The following PRKN variants were observed in gnomAD, a reference collection of about 807,000 sequenced individuals.
PRKN encodes parkin RBR E3 ubiquitin protein ligase, also known as E3 ubiquitin-protein ligase parkin.
In PRKN, 56 loss-of-function variants were observed where a neutral mutation model predicts 59.5. The ratio of observed to expected loss-of-function variants is 0.94; its 90% CI spans 0.76 to 1.18. The LOEUF (loss-of-function observed/expected upper bound fraction) is 1.18, where lower values mean the gene tolerates loss of function less well. Among genes scored for constraint, PRKN ranks in the 50% most tolerant of loss-of-function variants. The pLI, the probability that PRKN is intolerant of heterozygous loss-of-function variation, is 0.00. For missense variants in PRKN, 657 were observed against 596.4 expected (o/e 1.10, Z -1.06); for synonymous variants, 250 against 222.1 (o/e 1.13, Z -1.12).
chr6:162,590,236 T>C (rs1035361564), intron 1 of PRKN, among the ~76,000 whole-genome samples: 10 of 152,210 alleles, frequency 6.6e-5, no homozygotes, highest in African/African-American at 2.4e-4. Context: ...GACTTTTCAT[T>C]GTTCATGTCT....
At chr6:162,255,751 C>T (rs910703258) in intron 3 of PRKN, among the ~76,000 whole-genome samples, 8 of 152,148 alleles carry the variant, frequency 5.3e-5, no homozygotes, top group Non-Finnish European at 1.0e-4. Flanking sequence ...ACCATGAATG[C>T]GCTCAAGGAT....
chr6:162,151,083 A>G (rs1356914390), intron 4 of PRKN, among the ~76,000 whole-genome samples: 1 of 152,246 alleles, frequency 6.6e-6, no homozygotes, highest in Non-Finnish European at 1.5e-5. Context: ...AAGAGAAAAA[A>G]GGGAAGAAAA....
chr6:161,434,882 C>T (rs1034044879), intron 9 of PRKN, among the ~76,000 whole-genome samples: 6 of 152,168 alleles, frequency 3.9e-5, no homozygotes, highest in South Asian at 2.1e-4. Flanking sequence ...AAGTTTGGCG[C>T]GGAAAAACAC....
chr6:161,535,743 TG>T (rs1340980085), intron 9 of PRKN, among the ~76,000 whole-genome samples: 2 of 152,124 alleles, frequency 1.3e-5, no homozygotes, highest in African/African-American at 4.8e-5. Context: ...AAAGTGGACC[TG>T]GGGCTGAGCC....
chr6:161,794,045 C>T (rs1348204275), intron 6 of PRKN, among the ~76,000 whole-genome samples: 1 of 152,116 alleles, frequency 6.6e-6, no homozygotes, highest in Non-Finnish European at 1.5e-5. Flanking sequence ...CAGGCACGTT[C>T]CCTTTCACTC....
chr6:162,591,512 A>G (rs946824060), intron 1 of PRKN, among the ~76,000 whole-genome samples: 3 of 152,180 alleles, frequency 2.0e-5, no homozygotes, highest in African/African-American at 4.8e-5. Flanking sequence ...CAATTGTAAG[A>G]TTATTCTTGT....
intron 1 of PRKN, among the ~76,000 whole-genome samples, chr6:162,502,256 G>C (rs1288628715): frequency 6.6e-6 from 1 of 152,108 alleles, no homozygotes; most frequent in African/African-American, 2.4e-5. Context: ...GACCTTTTGG[G>C]CTCAAGCGAC....
At chr6:161,930,138 C>G (rs1779118033) in intron 6 of PRKN, among the ~76,000 whole-genome samples, 1 of 152,118 alleles carries the variant, frequency 6.6e-6, no homozygotes, top group African/African-American at 2.4e-5. Context: ...CAAGGAAGAA[C>G]TAGGTGAACT....
At chr6:161,370,232 A>AACAC (rs532059638) in intron 10 of PRKN, among the ~76,000 whole-genome samples, 9 of 150,660 alleles carry the variant, frequency 6.0e-5, no homozygotes, top group Non-Finnish European at 1.5e-5. Flanking sequence ...TGTCTCTATA[A>AACAC]ACACACACAC....
At chr6:162,334,358 G>A (rs1196838517) in intron 2 of PRKN, among the ~76,000 whole-genome samples, 1 of 152,186 alleles carries the variant, frequency 6.6e-6, no homozygotes, top group Admixed American at 6.5e-5. Context: ...TGATTATCTT[G>A]TTAGGGGCAA....
At chr6:162,453,118 C>T (rs9458561) in intron 1 of PRKN, among the ~76,000 whole-genome samples, 66,795 of 151,696 alleles carry the variant, frequency 0.44, 17,084 homozygotes, top group African/African-American at 0.71. Context: ...GGTACTGCAT[C>T]GGGCCAGACT....
intron 6 of PRKN, among the ~76,000 whole-genome samples, chr6:161,825,153 A>G (rs1792187068): frequency 2.0e-5 from 3 of 152,210 alleles, no homozygotes; most frequent in African/African-American, 7.2e-5. Flanking sequence ...GCAATACAAT[A>G]AAAGTCATAT....
chr6:162,043,992 C>T (rs1784161416), intron 5 of PRKN, among the ~76,000 whole-genome samples: 1 of 152,190 alleles, frequency 6.6e-6, no homozygotes, highest in South Asian at 2.1e-4. Flanking sequence ...CACTTCTACC[C>T]AGTTCTAAAC....
At chr6:162,706,687 A>T (rs1005067710) in intron 1 of PRKN, among the ~76,000 whole-genome samples, 1 of 152,224 alleles carries the variant, frequency 6.6e-6, no homozygotes, top group Non-Finnish European at 1.5e-5. Flanking sequence ...GGTTGTAAAG[A>T]TTAAGTGGTA....
chr6:162,481,092 G>A (rs1792288569), intron 1 of PRKN, among the ~76,000 whole-genome samples: 1 of 151,992 alleles, frequency 6.6e-6, no homozygotes, highest in Admixed American at 6.6e-5. Context: ...CAAAGTGCTG[G>A]GATTACAGGC....
intron 6 of PRKN, among the ~76,000 whole-genome samples, chr6:161,908,609 A>G (rs1052589012): frequency 2.6e-5 from 4 of 152,164 alleles, no homozygotes; most frequent in African/African-American, 9.7e-5. Context: ...CGAATAGTTT[A>G]ATTTAAAATC....
chr6:161,829,957 C>T (rs902907979), intron 6 of PRKN, among the ~76,000 whole-genome samples: 7 of 152,100 alleles, frequency 4.6e-5, no homozygotes, highest in Non-Finnish European at 8.8e-5. Context: ...TCGCCAAGTC[C>T]GTAGCTTGGC....
intron 6 of PRKN, among the ~76,000 whole-genome samples, chr6:161,920,277 G>T (rs532600765): frequency 1.4e-4 from 22 of 152,012 alleles, no homozygotes; most frequent in Admixed American, 1.4e-3. Context: ...CCACCTACTT[G>T]GGAGGCTGAG....
Position 162,588,883 on chromosome 6 carries a change from G to A in PRKN, c.7+138779C>T, listed in dbSNP as rs1225852539. Among the ~76,000 whole-genome samples the A allele has an allele frequency of 4.6e-5, 7 of 152,126 alleles. No homozygotes were observed. In the East Asian group the frequency reaches 1.4e-3, roughly 29 times the overall value. On this transcript the variant is annotated intron_variant, in intron 1 of 11. Transcript: ENST00000366898. Reference sequence around the variant, plus strand: ...CATTTTTCATCACCATTAACGTACAGTGCCATAAAGAAAGCTTCTGGGTGG... The same window carrying A: ...CATTTTTCATCACCATTAACGTACAATGCCATAAAGAAAGCTTCTGGGTGG...
Sources: allele counts gnomAD v4.1 joint callset (sites outside exome capture counted in the v4.1 genomes callset), GRCh38; gene constraint gnomAD v4.1.1; transcripts MANE v1.5; gene names NCBI Gene and HGNC (gene_info 2026-07-23, HGNC 2026-07-21).